Variants in DCLK1 observed in about 807,000 individuals in gnomAD.
The protein encoded by DCLK1 is doublecortin like kinase 1.
A neutral mutation model predicts 86.2 loss-of-function variants in DCLK1; 16 were observed. The ratio of observed to expected loss-of-function variants is 0.19; its 90% CI spans 0.13 to 0.28. The LOEUF is 0.28. Among genes scored for constraint, DCLK1 ranks in the 10% least tolerant of loss-of-function variants. The pLI is 1.00. For synonymous variants in DCLK1, 369 were observed against 370.5 expected, an observed-to-expected ratio of 1.00 and a Z score of 0.05; for missense variants, 590 against 940.2, an observed-to-expected ratio of 0.63 and a Z score of 4.87.
intron 16 of DCLK1, among the ~76,000 whole-genome samples, chr13:35,776,239 G>A (rs1490068750): frequency 6.6e-6 from 1 of 152,088 alleles, no homozygotes; most frequent in African/African-American, 2.4e-5. Context: ...ACATTGTAAA[G>A]TTACGACACA....
chr13:35,990,950 T>C (rs1880193159), intron 3 of DCLK1, among the ~76,000 whole-genome samples: 1 of 152,210 alleles, frequency 6.6e-6, no homozygotes, highest in African/African-American at 2.4e-5. Context: ...GGGTGATGAC[T>C]GCCTCAGGCT....
At chr13:36,004,739 A>T in intron 3 of DCLK1, among the ~76,000 whole-genome samples, 1 of 152,028 alleles carries the variant, frequency 6.6e-6, no homozygotes. Flanking sequence ...CCATGCCCAG[A>T]TAATTTTTGC....
intron 3 of DCLK1, among the ~76,000 whole-genome samples, chr13:35,967,611 C>T (rs2153138679): frequency 6.6e-6 from 1 of 152,254 alleles, no homozygotes; most frequent in Admixed American, 6.5e-5. Flanking sequence ...CTTTGTTAAA[C>T]AGATGCTTGA....
At chr13:35,877,822 C>T (rs1872672009) in intron 4 of DCLK1, among the ~76,000 whole-genome samples, 1 of 152,152 alleles carries the variant, frequency 6.6e-6, no homozygotes, top group African/African-American at 2.4e-5. Context: ...CTCTCTGTTG[C>T]TATATGCAAA....
At chr13:35,966,676 C>T (rs950929659) in intron 3 of DCLK1, among the ~76,000 whole-genome samples, 42 of 152,074 alleles carry the variant, frequency 2.8e-4, no homozygotes, top group African/African-American at 9.2e-4. Context: ...GACTGGTTTT[C>T]GTATTTTTTG....
chr13:35,788,312 A>T (rs1566531990), intron 16 of DCLK1: 18 of 1,605,762 alleles, frequency 1.1e-5, no homozygotes, highest in Non-Finnish European at 8.5e-7. Flanking sequence ...GGGGCAACTC[A>T]GTGGATCAGC....
intron 8 of DCLK1, 127 bp from the exon 9 acceptor site, chr13:35,828,434 T>C: frequency 3.9e-6 from 3 of 764,234 alleles, no homozygotes; most frequent in Non-Finnish European, 6.1e-6. Flanking sequence ...TGAAAGGATT[T>C]CCTTTCCTTT....
At chr13:35,923,268 T>C (rs1305179214) in intron 4 of DCLK1, among the ~76,000 whole-genome samples, 2 of 152,050 alleles carry the variant, frequency 1.3e-5, no homozygotes, top group African/African-American at 4.8e-5. Flanking sequence ...TCAGGTGAGA[T>C]GCTAAGGGAC....
chr13:36,081,059 G>C (rs1884404087), intron 3 of DCLK1, among the ~76,000 whole-genome samples: 1 of 152,140 alleles, frequency 6.6e-6, no homozygotes, highest in African/African-American at 2.4e-5. Context: ...AATAATTACA[G>C]ACTTCGGTGT....
intron 3 of DCLK1, among the ~76,000 whole-genome samples, chr13:36,071,575 A>G (rs1470995842): frequency 6.6e-6 from 1 of 152,214 alleles, no homozygotes; most frequent in Admixed American, 6.5e-5. Context: ...CATGAAAGCT[A>G]AACTTTACCA....
At chr13:36,012,333 TA>T (rs1881311019) in intron 3 of DCLK1, among the ~76,000 whole-genome samples, 1 of 152,020 alleles carries the variant, frequency 6.6e-6, no homozygotes, top group Admixed American at 6.6e-5. Flanking sequence ...CGATGGTCTT[TA>T]CATTTTGGCA....
intron 5 of DCLK1, among the ~76,000 whole-genome samples, chr13:35,862,824 C>A (rs558716159): frequency 6.6e-6 from 1 of 152,284 alleles, no homozygotes; most frequent in East Asian, 1.9e-4. Context: ...CTTGGAAGAG[C>A]TTTCTGACCC....
In DCLK1 at chr13:35,937,942, T is replaced by C. The variant is rs186948938; in HGVS notation, c.823+9416A>G. The stretch of plus-strand genomic sequence containing the variant: ...TTTTAGGATAGGAGGAACCTGGGCC[T>C]GGCTGTGGGCTGAAAGAAGAGAGAC... On this transcript the variant is annotated intron_variant, in intron 4 of 16. Transcript: ENST00000360631. Among the ~76,000 whole-genome samples the C allele has an allele frequency of 3.9e-5, 6 of 152,178 alleles. No individual in the cohort carries two copies. The East Asian group carries it at 1.2e-3, about 29-fold the overall frequency.
intron 4 of DCLK1, among the ~76,000 whole-genome samples, chr13:35,944,272 A>G (rs1232705890): frequency 6.6e-6 from 1 of 152,214 alleles, no homozygotes; most frequent in Admixed American, 6.5e-5. Flanking sequence ...AAGTTAAAAT[A>G]AAAGTGCCGC....
At chr13:36,089,645 A>T (rs1884745569) in intron 3 of DCLK1, among the ~76,000 whole-genome samples, 1 of 152,178 alleles carries the variant, frequency 6.6e-6, no homozygotes, top group African/African-American at 2.4e-5. Flanking sequence ...AATATACAAC[A>T]GGCAGTTCTG....
intron 6 of DCLK1, among the ~76,000 whole-genome samples, chr13:35,841,987 T>C (rs1472151305): frequency 6.6e-6 from 1 of 151,844 alleles, no homozygotes; most frequent in African/African-American, 2.4e-5. Context: ...CAAATACTTC[T>C]AGTACTGAAC....
At chr13:36,098,182 CA>C (rs1371911857) in intron 3 of DCLK1, among the ~76,000 whole-genome samples, 2 of 152,218 alleles carry the variant, frequency 1.3e-5, no homozygotes, top group African/African-American at 4.8e-5. Context: ...TTCTTTTCTA[CA>C]AAGCCTCACC....
chr13:36,106,589 A>G (rs920664986), intron 3 of DCLK1, among the ~76,000 whole-genome samples: 2 of 152,206 alleles, frequency 1.3e-5, no homozygotes, highest in Non-Finnish European at 2.9e-5. Flanking sequence ...TAGCAAATCA[A>G]TAGTACACAT....
chr13:36,042,581 G>A (rs1452011634), intron 3 of DCLK1, among the ~76,000 whole-genome samples: 2 of 152,176 alleles, frequency 1.3e-5, no homozygotes, highest in Non-Finnish European at 2.9e-5. Flanking sequence ...ACAATATTAT[G>A]ATCAGGGCTT....
Sources: gnomAD v4.1 joint callset for allele counts (sites outside exome capture counted in the v4.1 genomes callset) on GRCh38, gnomAD v4.1.1 for gene constraint, MANE v1.5 for transcripts, NCBI Gene and HGNC (gene_info 2026-07-23, HGNC 2026-07-21) for gene names.